The following NLRP14 variants were observed in gnomAD, a reference collection of about 807,000 sequenced individuals.
NLRP14 encodes the protein NACHT, LRR and PYD domains-containing protein 14.
NLRP14 carries 105 observed loss-of-function variants against 94.7 expected under a neutral mutation model. The observed-to-expected ratio is 1.11, with a 90% CI of 0.95 to 1.30. NLRP14 has a LOEUF of 1.30. Among genes scored for constraint, NLRP14 ranks in the 50% most tolerant of loss-of-function variants. The pLI, the probability that NLRP14 is intolerant of heterozygous loss-of-function variation, is 0.00. For synonymous variants in NLRP14, 508 were observed against 459.9 expected (o/e 1.10, Z -1.34); for missense variants, 1,362 against 1,254.1 (o/e 1.09, Z -1.30).
chr11:7,056,534 AAAT>A (rs1207887201), intron 6 of NLRP14, among the ~76,000 whole-genome samples: 1 of 147,586 alleles, frequency 6.8e-6, no homozygotes, highest in East Asian at 2.0e-4. Context: ...AAAAAAAAAG[AAAT>A]CTCAAGAAAC....
chr11:7,082,527 T>A, the NLRP14 span, among the ~76,000 whole-genome samples: 1 of 152,200 alleles, frequency 6.6e-6, no homozygotes, highest in Non-Finnish European at 1.5e-5. Context: ...CAGCAATAGA[T>A]GGTTTCACCC....
intron 1 of NLRP14, among the ~76,000 whole-genome samples, chr11:7,037,483 G>A (rs974776519): frequency 6.6e-6 from 1 of 152,254 alleles, no homozygotes; most frequent in Admixed American, 6.5e-5. Flanking sequence ...GAATTTTAGT[G>A]AAAGATCTAA....
chr11:7,090,195 C>T, the NLRP14 span: 3 of 1,613,178 alleles, frequency 1.9e-6, no homozygotes, highest in Admixed American at 1.7e-5. Flanking sequence ...AAGGGGCTGC[C>T]CTCCCCAGCG....
rs16921939 is a variant in NLRP14, at chr11:7,057,573, A to C, written c.2292-104A>C. On this transcript the variant is annotated intron_variant, in intron 6 of 11. Coordinates refer to ENST00000299481, the MANE Select transcript of NLRP14 (RefSeq NM_176822.4). ...GTAGAGAAGTTGGATTTTTCAGGCAAGATTCCAAAGATTAGGAAACTTCCT... is the reference window on the plus strand; with the variant it reads ...GTAGAGAAGTTGGATTTTTCAGGCACGATTCCAAAGATTAGGAAACTTCCT... 0.08 allele frequency: 89,496 copies of C among 1,123,066 alleles called. 4,320 individuals are homozygous for C. Among genetic ancestry groups the C allele is most frequent in the African/African-American group, 0.17 (11,133 of 65,632 alleles). The allele number at this position is 1,123,066 out of a possible 1,614,324, so 69.6% of individuals were successfully genotyped here.
intron 9 of NLRP14, 54 bp downstream of exon 9, chr11:7,060,118 G>A (rs2119686055): frequency 6.8e-7 from 1 of 1,460,314 alleles, no homozygotes; most frequent in South Asian, 1.1e-5. Flanking sequence ...AGTGTCTGGG[G>A]AGATACTGAA....
rs141659445 is a variant in NLRP14 at position 7,054,707 on chromosome 11, C to T, written c.2292-2970C>T. Among the ~76,000 whole-genome samples, 1,229 of 152,106 alleles carry T rather than the reference C, an allele frequency of 8.1e-3. 14 individuals carry two copies. The highest frequency in any genetic ancestry group is 0.028 in the African/African-American group (1,145 of 41,534). On this transcript the variant is annotated intron_variant, in intron 6 of 11. Coordinates refer to ENST00000299481, the MANE Select transcript of NLRP14 (RefSeq NM_176822.4). The stretch of plus-strand genomic sequence containing the variant: ...TGTAATATATTCTCGTTATTAGCCC[C>T]TTGTCAAATGGGTAGTTAGCACATA...
In NLRP14 at chr11:7,043,545, C is replaced by A; in HGVS notation, c.1519C>A (p.Pro507Thr). 1 of 1,614,156 alleles carries A rather than the reference C, an allele frequency of 6.2e-7. No individual in the cohort carries two copies. ...GGAAGCTGGGAACCCTTCCTGCCAG[C>A]CTTTTGAAGATTTGAAGTCATTACT... The part of the protein sequence containing the change: ...SWEAGNPSCQ[P>T]FEDLKSLLQS... Residue 507 changes from proline (P) to threonine (T), a missense_variant, in exon 4 of 12, where the codon CCT becomes ACT. Transcript: ENST00000299481.
chr11:7,046,824 A>T lies in NLRP14; in HGVS notation c.2115A>T (p.Gln705His), dbSNP rs1330014951. Residue 705 changes from glutamine (Q) to histidine (H), a missense_variant, in exon 5 of 12, where the codon CAA becomes CAT. Transcript: ENST00000299481. ...TAAGGCACCCAAACTGTAAACTACAAAAGCTACTGTAAGTCTGGTATGAGA... is the reference window on the plus strand; with the variant it reads ...TAAGGCACCCAAACTGTAAACTACATAAGCTACTGTAAGTCTGGTATGAGA... ...HELRHPNCKL[Q>H]KLLLKFITFP... 1.2e-6 allele frequency: 2 copies of T among 1,612,110 alleles called. No homozygotes were observed. Among genetic ancestry groups the T allele is most frequent in the Non-Finnish European group, 1.7e-6 (2 of 1,178,356 alleles).
At chr11:7,063,224 C>T (rs75697061) in intron 10 of NLRP14, among the ~76,000 whole-genome samples, 4,686 of 152,126 alleles carry the variant, frequency 0.031, 100 homozygotes, top group Middle Eastern at 0.068. Flanking sequence ...CTAATAAATT[C>T]ACCGGTTACT....
At chr11:7,038,306 T>A (rs1852190099) in intron 1 of NLRP14, among the ~76,000 whole-genome samples, 2 of 152,278 alleles carry the variant, frequency 1.3e-5, no homozygotes, top group South Asian at 4.2e-4. Context: ...TACCTTTATT[T>A]ATATAGCTCA....
Position 7,043,507 on chromosome 11 carries a change from T to G in NLRP14, c.1481T>G (p.Leu494Trp). 3 of 1,614,210 alleles carry G rather than the reference T, an allele frequency of 1.9e-6. No individual in the cohort carries two copies. Among genetic ancestry groups the G allele is most frequent in the African/African-American group, 1.3e-5 (1 of 75,052 alleles). Reference protein sequence around the residue: ...QEFFAAMFYMLKGSWEAGNPS... With the variant: ...QEFFAAMFYMWKGSWEAGNPS... ...TTTTTTGCAGCTATGTTCTATATGT[T>G]GAAAGGCAGTTGGGAAGCTGGGAAC... The change falls in exon 4 of 12, where the codon TTG (leucine) becomes TGG (tryptophan). Residue 494 changes from leucine (L) to tryptophan (W), a missense_variant. Leu to Trp is a moderately conservative substitution (Grantham distance 61, BLOSUM62 -2). Coordinates refer to ENST00000299481, the MANE Select transcript of NLRP14 (RefSeq NM_176822.4).
At position 7,038,747 on chromosome 11, in the gene NLRP14, G is replaced by C. The variant is rs371200238; in HGVS notation, c.161G>C (p.Arg54Thr). 6.2e-7 allele frequency: 1 copy of C among 1,614,116 alleles called. No individual in the cohort carries two copies. The highest frequency in any genetic ancestry group is 8.5e-7 in the Non-Finnish European group (1 of 1,179,996). ...LTPWNEVKKA[R>T]REDLANLMKK... is the part of the protein sequence containing the mutation. The stretch of plus-strand genomic sequence containing the variant: ...CCCTGGAATGAAGTGAAGAAGGCCA[G>C]GCGGGAGGACCTGGCCAATTTGATG... Residue 54 changes from arginine to threonine, a missense_variant, in exon 2 of 12, where the codon AGG becomes ACG. Transcript: ENST00000299481.
chr11:7,031,994 C>T (rs1852105609), intron 1 of NLRP14, among the ~76,000 whole-genome samples: 1 of 152,190 alleles, frequency 6.6e-6, no homozygotes, highest in African/African-American at 2.4e-5. Flanking sequence ...CCCAAAATTG[C>T]TCTCTCTATG....
In NLRP14 at chr11:7,057,546, G is replaced by A. The variant is rs1852533514; in HGVS notation, c.2292-131G>A. On this transcript the variant is annotated intron_variant, in intron 6 of 11. Transcript: ENST00000299481. ...GCTTTAGTTAAATAACTTTTTTTCT[G>A]TGTAGAGAAGTTGGATTTTTCAGGC... is the stretch of plus-strand genomic sequence containing the variant. 33 of 814,158 alleles carry A rather than the reference G, an allele frequency of 4.1e-5. 1 individual carries two copies. The South Asian group carries it at 4.1e-4, about 10-fold the overall frequency. 50.4% of individuals were successfully genotyped at this position (814,158 alleles called of 1,614,324 possible).
chr11:7,040,238 G>A (rs1469602960), intron 3 of NLRP14, among the ~76,000 whole-genome samples: 2 of 152,162 alleles, frequency 1.3e-5, no homozygotes, highest in Non-Finnish European at 2.9e-5. Flanking sequence ...CTGGGCCACA[G>A]ACCCCTACTG....
intron 9 of NLRP14, 84 bp downstream of exon 9, chr11:7,060,148 C>A: frequency 8.3e-7 from 1 of 1,201,578 alleles, no homozygotes; most frequent in Non-Finnish European, 1.2e-6. Flanking sequence ...GAGAACCGAG[C>A]ATCTATCAGA....
intron 5 of NLRP14, among the ~76,000 whole-genome samples, chr11:7,048,441 C>T (rs12807652): frequency 0.53 from 81,113 of 151,904 alleles, 22,499 homozygotes; most frequent in East Asian, 0.73. Context: ...ACATTTGTTG[C>T]TTAGTATGAA....
chr11:7,031,004 G>C (rs1235695519), intron 1 of NLRP14, among the ~76,000 whole-genome samples: 4 of 152,230 alleles, frequency 2.6e-5, no homozygotes, highest in African/African-American at 7.2e-5. Context: ...TGGGAAGAGA[G>C]ATTCGCTAGG....
the NLRP14 span, among the ~76,000 whole-genome samples, chr11:7,078,899 C>T: frequency 3.0e-4 from 46 of 152,202 alleles, no homozygotes; most frequent in Non-Finnish European, 5.9e-4. Flanking sequence ...GGTTGCTCCA[C>T]ATGTCTGGAC....
Sources: gnomAD v4.1 joint callset for allele counts (sites outside exome capture counted in the v4.1 genomes callset) on GRCh38, gnomAD v4.1.1 for gene constraint, MANE v1.5 for transcripts, NCBI Gene and HGNC (gene_info 2026-07-23, HGNC 2026-07-21) for gene names.